Variants in POGZ observed in about 807,000 individuals in gnomAD.
POGZ encodes pogo transposable element with ZNF domain.
POGZ carries 17 observed loss-of-function variants against 134.6 expected under a neutral mutation model. The ratio of observed to expected loss-of-function variants is 0.13; its 90% CI spans 0.09 to 0.19. The LOEUF is 0.19. Among genes scored for constraint, POGZ ranks in the 10% least tolerant of loss-of-function variants. POGZ has a pLI of 1.00. For synonymous variants in POGZ, 693 were observed against 657.1 expected (o/e 1.05, Z -0.84); for missense variants, 1,306 against 1,769.7 (o/e 0.74, Z 4.70).
intron 12 of POGZ, among the ~76,000 whole-genome samples, chr1:151,409,407 C>T (rs1654267494): frequency 6.6e-6 from 1 of 152,184 alleles, no homozygotes; most frequent in Admixed American, 6.5e-5. Flanking sequence ...CAGGGTCTCT[C>T]TCTGTAGCCC....
intron 7 of POGZ, among the ~76,000 whole-genome samples, chr1:151,425,458 T>A (rs1483396381): frequency 6.6e-6 from 1 of 151,866 alleles, no homozygotes; most frequent in Non-Finnish European, 1.5e-5. Context: ...AAGGTTTTTG[T>A]TTTTTTTAAT....
chr1:151,406,506 T>G (rs770487611), intron 18 of POGZ, 42 bp from the exon 19 acceptor site: 1 of 1,556,680 alleles, frequency 6.4e-7, no homozygotes, highest in South Asian at 1.2e-5. Context: ...AAATCTCAGT[T>G]CAACTAGGAA....
chr1:151,428,187 G>T lies in POGZ; in HGVS notation c.795C>A (p.Thr265=). The T allele has an allele frequency of 6.2e-7, 1 of 1,614,206 alleles. No individual in the cohort carries two copies. The highest frequency in any genetic ancestry group is 8.5e-7 in the Non-Finnish European group (1 of 1,180,030). The change falls in exon 6 of 19, where the codon ACC becomes ACA. Residue 265 remains threonine, a synonymous_variant. Transcript: ENST00000271715. ...TSTTPTATQP[T]SLGQLAVQSP... The stretch of plus-strand genomic sequence containing the variant: ...ACTGAACAGCTAGTTGCCCCAGTGA[G>T]GTTGGCTGTGTGGCAGTGGGAGTGG...
At position 151,429,591 on chromosome 1, in the gene POGZ, A is replaced by AT; in HGVS notation, c.568+11dup. ...GCCAGTTTATTCCAAATGGATAGAC[A>AT]TTTTTCCTTACCTGGAACTAGTGTA... On this transcript the variant is annotated intron_variant, in intron 5 of 18. Transcript: ENST00000271715. The AT allele has an allele frequency of 7.0e-7, 1 of 1,437,824 alleles. No individual in the cohort carries two copies. The highest frequency in any genetic ancestry group is 9.8e-7 in the Non-Finnish European group (1 of 1,023,698). The allele number at this position is 1,437,824 out of a possible 1,614,324, so 89.1% of individuals were successfully genotyped here.
At chr1:151,421,529 C>A (rs565998020) in intron 10 of POGZ, among the ~76,000 whole-genome samples, 1 of 152,296 alleles carries the variant, frequency 6.6e-6, no homozygotes, top group Non-Finnish European at 1.5e-5. Context: ...AAAAGGAAAG[C>A]AATTCTCACT....
chr1:151,405,447 C>T lies in POGZ; in HGVS notation c.3588G>A (p.Glu1196=), dbSNP rs747984204. Residue 1196 remains glutamate, a synonymous_variant, in exon 19 of 19, where the codon GAG becomes GAA. Transcript: ENST00000271715. This position sits in a 1 kb window ranked among gnomAD's most constrained non-coding sequence, Gnocchi z 4.9. ...TGATCTCGTCATCACTGTAGCCACT[C>T]TCCTTTGCCTCTAGCAATATGGAGT... The part of the protein sequence containing the change: ...MPDSILLEAK[E]SGYSDDEIME... 16 of 1,614,140 alleles carry T rather than the reference C, an allele frequency of 9.9e-6. No homozygotes were observed. The highest frequency in any genetic ancestry group is 3.3e-5 in the Admixed American group (2 of 60,006).
At chr1:151,432,281 G>A (rs1281480178) in intron 3 of POGZ, among the ~76,000 whole-genome samples, 1 of 152,154 alleles carries the variant, frequency 6.6e-6, no homozygotes, top group Admixed American at 6.6e-5. Context: ...CCTCTGAAAT[G>A]TATGTTCCAC....
Position 151,403,831 on chromosome 1 carries a change from CAGG to C in POGZ, c.*968_*970del. On this transcript the variant is annotated 3_prime_UTR_variant, in exon 19 of 19. Transcript: ENST00000271715. ...TTAAACAGGCATGCTCTCCATCTAA[CAGG>C]ATGAAGTTCAGTAAAGCAGGGACTG... 1.0e-6 allele frequency: 1 copy of C among 985,502 alleles called. No homozygotes were observed. The highest frequency in any genetic ancestry group is 1.2e-6 in the Non-Finnish European group (1 of 829,936). 61.0% of individuals were successfully genotyped at this position (985,502 alleles called of 1,614,324 possible). A position where few individuals can be genotyped will look rare whatever the true frequency, so the allele number is the denominator to read the frequency against.
At chr1:151,411,822 G>C in intron 11 of POGZ, 51 bp from the exon 12 acceptor site, 2 of 1,482,658 alleles carry the variant, frequency 1.3e-6, no homozygotes, top group South Asian at 1.4e-5. Context: ...GAACAACTGA[G>C]AGGCCTTAAA....
At position 151,441,033 on chromosome 1, in the gene POGZ, A is replaced by G; in HGVS notation, c.178T>C (p.Ser60Pro). The G allele has an allele frequency of 6.2e-7, 1 of 1,613,760 alleles. No individual in the cohort carries two copies. The highest frequency in any genetic ancestry group is 8.5e-7 in the Non-Finnish European group (1 of 1,179,656). The stretch of plus-strand genomic sequence containing the variant: ...GATGTAGAGAGGTGCCCAGCAACAG[A>G]AGCATGGGCAGCGATGGGCACTGGA... ...SAPVPIAAHA[S>P]VAGHLSTSTT... is the part of the protein sequence containing the mutation. The change falls in exon 3 of 19, where the codon TCT (serine) becomes CCT (proline). Residue 60 changes from serine to proline, a missense_variant. Physicochemically the swap from Ser to Pro is moderately conservative, Grantham distance 74. This residue lies in a region of POGZ where 541 missense variants were observed against 680.5 expected (regional missense o/e 0.80). Coordinates refer to ENST00000271715, the MANE Select transcript of POGZ (RefSeq NM_015100.4).
Position 151,412,414 on chromosome 1 carries a change from A to C in POGZ, c.1679-18T>G. ...GCACTTGGCTGTAAGAAGAAAAGTA[A>C]TCAATAAATCCACTTGAAAATAAGA... On this transcript the variant is annotated intron_variant, in intron 10 of 18. Transcript: ENST00000271715. 1 of 1,354,198 alleles carries C rather than the reference A, an allele frequency of 7.4e-7. No individual in the cohort carries two copies. Among genetic ancestry groups the C allele is most frequent in the Non-Finnish European group, 1.1e-6 (1 of 948,730 alleles). The allele number at this position is 1,354,198 out of a possible 1,614,324, so 83.9% of individuals were successfully genotyped here. A position where few individuals can be genotyped will look rare whatever the true frequency, so the allele number is the denominator to read the frequency against.
At position 151,402,925 on chromosome 1, in the gene POGZ, C is replaced by T. The variant is rs1284868074; in HGVS notation, c.*1877G>A. On this transcript the variant is annotated 3_prime_UTR_variant, in exon 19 of 19. Coordinates refer to ENST00000271715, the MANE Select transcript of POGZ (RefSeq NM_015100.4). ...CAATCGTGTGCAGAAGACAGGAACCCCAGCTCTGCTAAGGCTGTGGCTGCT... is the reference window on the plus strand; with the variant it reads ...CAATCGTGTGCAGAAGACAGGAACCTCAGCTCTGCTAAGGCTGTGGCTGCT... 6.6e-6 allele frequency: 1 copy of T among 152,598 alleles called. No individual in the cohort carries two copies. The highest frequency in any genetic ancestry group is 1.9e-4 in the East Asian group (1 of 5,198). The allele number at this position is 152,598 out of a possible 1,614,324, so 9.5% of individuals were successfully genotyped here.
At chr1:151,448,114 G>C (rs1473176859) in intron 1 of POGZ, among the ~76,000 whole-genome samples, 3 of 151,930 alleles carry the variant, frequency 2.0e-5, no homozygotes, top group Non-Finnish European at 4.4e-5. Context: ...CTTCAACTTT[G>C]CTCTTACGTC....
Position 151,408,703 on chromosome 1 carries a change from T to A in POGZ, c.2052A>T (p.Pro684=). ...RKPKQLEGLK[P]GTKVTIRASR... is the part of the protein sequence containing the mutation. ...CTGGCAAACTCTTTACCTTGGTGCC[T>A]GGTTTCAAGCCCTCCAGCTGCTTGG... The change falls in exon 13 of 19, where the codon CCA becomes CCT. Residue 684 remains proline, a synonymous_variant. Transcript: ENST00000271715. The A allele has an allele frequency of 7.4e-6, 12 of 1,613,774 alleles. No homozygotes were observed. Among genetic ancestry groups the A allele is most frequent in the Non-Finnish European group, 1.0e-5 (12 of 1,179,958 alleles).
chr1:151,418,254 A>G (rs1656138781), intron 10 of POGZ, among the ~76,000 whole-genome samples: 2 of 152,132 alleles, frequency 1.3e-5, no homozygotes, highest in South Asian at 4.1e-4. Flanking sequence ...CCAGTGGAAT[A>G]TTATAGCCAC....
At chr1:151,421,130 CAAT>C (rs1299901032) in intron 10 of POGZ, among the ~76,000 whole-genome samples, 4 of 151,850 alleles carry the variant, frequency 2.6e-5, no homozygotes, top group Admixed American at 2.6e-4. Context: ...GTGTCTCTCT[CAAT>C]AATCTTATTG....
At chr1:151,419,135 T>C (rs1656374724) in intron 10 of POGZ, among the ~76,000 whole-genome samples, 1 of 150,918 alleles carries the variant, frequency 6.6e-6, no homozygotes, top group African/African-American at 2.4e-5. Flanking sequence ...AGGTATATCA[T>C]TTAAGGCCAG....
chr1:151,407,520 G>C (rs1653856803), intron 15 of POGZ, among the ~76,000 whole-genome samples: 1 of 152,316 alleles, frequency 6.6e-6, no homozygotes, highest in African/African-American at 2.4e-5. Flanking sequence ...GCGGGGCTGA[G>C]AGTCAGCATT....
At position 151,405,760 on chromosome 1, in the gene POGZ, G is replaced by A; in HGVS notation, c.3275C>T (p.Thr1092Ile). The A allele has an allele frequency of 1.9e-6, 3 of 1,614,182 alleles. No individual in the cohort carries two copies. Among genetic ancestry groups the A allele is most frequent in the Non-Finnish European group, 2.5e-6 (3 of 1,180,024 alleles). The change falls in exon 19 of 19, where the codon ACC becomes ATC. Residue 1092 changes from threonine (T) to isoleucine (I), a missense_variant. Thr to Ile is a moderately conservative substitution (Grantham distance 89). Transcript: ENST00000271715. This position sits in a 1 kb window ranked among gnomAD's most constrained non-coding sequence, Gnocchi z 4.9. ...ATTCTCTGCTACATCCTTAGGTAGG[G>A]TGTGGGCCACAGCTCGCCGGGCATG... ...TPHARRAVAH[T>I]LPKDVAENAG... is the part of the protein sequence containing the mutation.
Sources: gnomAD v4.1 joint callset for allele counts (sites outside exome capture counted in the v4.1 genomes callset) on GRCh38, gnomAD v4.1.1 for gene constraint, gnomAD v4.1.1 regional missense constraint, Gnocchi (gnomAD v3.1) non-coding constraint, MANE v1.5 for transcripts, NCBI Gene and HGNC (gene_info 2026-07-23, HGNC 2026-07-21) for gene names.